KLHL6: variants seen among roughly 807,000 people sequenced by gnomAD.
KLHL6 encodes kelch-like protein 6.
A neutral mutation model predicts 58.6 loss-of-function variants in KLHL6; 41 were observed. That is an observed-to-expected ratio of 0.70 (90% confidence interval 0.55 to 0.91). The LOEUF (loss-of-function observed/expected upper bound fraction) is 0.91, where lower values mean the gene tolerates loss of function less well. Among genes scored for constraint, KLHL6 ranks in the 40% least tolerant of loss-of-function variants. The pLI is 0.00. For missense variants in KLHL6, 714 were observed against 805.6 expected (o/e 0.89, Z 1.38); for synonymous variants, 338 against 322.7 (o/e 1.05, Z -0.51).
At chr3:183,552,575 G>A (rs1463400141) in intron 1 of KLHL6, among the ~76,000 whole-genome samples, 1 of 151,866 alleles carries the variant, frequency 6.6e-6, no homozygotes. Flanking sequence ...AAAATTAGCC[G>A]GGCGTGGTGG....
At chr3:183,501,162 C>T (rs1368036491) in intron 3 of KLHL6, among the ~76,000 whole-genome samples, 9 of 152,110 alleles carry the variant, frequency 5.9e-5, no homozygotes, top group South Asian at 2.1e-4. Context: ...CTGGCCCTGA[C>T]GGTATGGACA....
Position 183,491,998 on chromosome 3 carries a change from G to GGA in KLHL6, c.1794_1795insTC (p.His599SerfsTer58). 6.3e-7 allele frequency: 1 copy of GGA among 1,588,894 alleles called. No homozygotes were observed. The highest frequency in any genetic ancestry group is 2.3e-5 in the East Asian group (1 of 43,816). On this transcript the variant is annotated frameshift_variant, in exon 7 of 7. Transcript: ENST00000341319. LOFTEE classifies it high-confidence loss of function. ...GACTTCCTGATGGTGACGCTGCCGT[G>GGA]GTGCGACACGCCCCGGGGCAGGACG...
At chr3:183,546,101 G>A (rs987927093) in intron 1 of KLHL6, among the ~76,000 whole-genome samples, 1 of 152,202 alleles carries the variant, frequency 6.6e-6, no homozygotes, top group African/African-American at 2.4e-5. Context: ...CACCCATGAT[G>A]GATGATGCCT....
At chr3:183,509,338 A>G (rs1422141655) in intron 2 of KLHL6, among the ~76,000 whole-genome samples, 2 of 152,232 alleles carry the variant, frequency 1.3e-5, no homozygotes, top group African/African-American at 4.8e-5. Context: ...TTTTAGAGCT[A>G]TAAGTGAAAT....
In KLHL6 at chr3:183,492,681, A is replaced by C; in HGVS notation, c.1377T>G (p.Ser459Arg). The part of the protein sequence containing the change: ...SEAAPLLVHV[S>R]SFAATSHKKK... The stretch of plus-strand genomic sequence containing the variant: ...TCTTATGGCTGGTGGCTGCAAAGGA[A>C]CTGACATGGACAAGGAGGGGTGCGG... Residue 459 changes from serine to arginine, a missense_variant, in exon 6 of 7, where the codon AGT becomes AGG. Around this residue, in one of 2 missense-constraint regions of KLHL6, gnomAD observed 510 missense variants for 629.7 expected, o/e 0.81. Coordinates refer to ENST00000341319, the MANE Select transcript of KLHL6 (RefSeq NM_130446.4). This position sits in a 1 kb window ranked among gnomAD's most constrained non-coding sequence, Gnocchi z 5.9. 6.2e-7 allele frequency: 1 copy of C among 1,613,754 alleles called. No individual in the cohort carries two copies. The highest frequency in any genetic ancestry group is 8.5e-7 in the Non-Finnish European group (1 of 1,180,018).
At chr3:183,525,960 C>T (rs2108684255) in intron 2 of KLHL6, among the ~76,000 whole-genome samples, 1 of 152,328 alleles carries the variant, frequency 6.6e-6, no homozygotes, top group Non-Finnish European at 1.5e-5. Context: ...GTCACTGCTT[C>T]CCTTCCGGGG....
intron 1 of KLHL6, among the ~76,000 whole-genome samples, chr3:183,543,156 G>C (rs1441875008): frequency 6.6e-6 from 1 of 152,146 alleles, no homozygotes; most frequent in African/African-American, 2.4e-5. Flanking sequence ...ATCTTGTTGT[G>C]TTGACCTGTA....
At chr3:183,518,772 T>A (rs116137081) in intron 2 of KLHL6, among the ~76,000 whole-genome samples, 1 of 151,894 alleles carries the variant, frequency 6.6e-6, no homozygotes, top group Non-Finnish European at 1.5e-5. Context: ...TCCTAAAGAG[T>A]CTGGGTACAA....
At chr3:183,509,520 T>C (rs1718118712) in intron 2 of KLHL6, among the ~76,000 whole-genome samples, 1 of 152,248 alleles carries the variant, frequency 6.6e-6, no homozygotes, top group South Asian at 2.1e-4. Flanking sequence ...AGGCAAATTC[T>C]GCTGCAGCAG....
At chr3:183,546,281 ATGATACTT>A (rs1311071504) in intron 1 of KLHL6, among the ~76,000 whole-genome samples, 2 of 152,182 alleles carry the variant, frequency 1.3e-5, no homozygotes, top group African/African-American at 4.8e-5. Context: ...TGTAGTTTTC[ATGATACTT>A]TAACATCTAT....
At position 183,555,371 on chromosome 3, in the gene KLHL6, T is replaced by C. The variant is rs1258068827; in HGVS notation, c.283A>G (p.Asn95Asp). ...CHRVVLAAAS[N>D]YFRAMFCNDL... The stretch of plus-strand genomic sequence containing the variant: ...CCTAGGCATGCTGACCTGAAATAGT[T>C]GCTGGCTGCGGCAAGCACCACGCGG... Residue 95 changes from asparagine (N) to aspartate (D), a missense_variant, in exon 1 of 7, where the codon AAC (asparagine) becomes GAC (aspartate). Coordinates refer to ENST00000341319, the MANE Select transcript of KLHL6 (RefSeq NM_130446.4). 6.2e-7 allele frequency: 1 copy of C among 1,613,972 alleles called. No homozygotes were observed. Among genetic ancestry groups the C allele is most frequent in the Non-Finnish European group, 8.5e-7 (1 of 1,179,888 alleles).
At chr3:183,553,277 C>T (rs140324578) in intron 1 of KLHL6, among the ~76,000 whole-genome samples, 88 of 152,232 alleles carry the variant, frequency 5.8e-4, no homozygotes, top group African/African-American at 1.9e-3. Flanking sequence ...CTCTGACGAC[C>T]GGCAGAGACT....
intron 4 of KLHL6, among the ~76,000 whole-genome samples, chr3:183,498,905 C>T (rs927364460): frequency 1.3e-5 from 2 of 152,202 alleles, no homozygotes; most frequent in African/African-American, 2.4e-5. Flanking sequence ...GAAGGGCAGA[C>T]GTGTTTACTC....
intron 2 of KLHL6, 146 bp downstream of exon 2, chr3:183,527,699 C>CGT (rs149350693): frequency 4.7e-4 from 295 of 632,236 alleles, no homozygotes; most frequent in Middle Eastern, 1.4e-3. Flanking sequence ...TAGGGGTGTG[C>CGT]GTGTGTGTGT....
chr3:183,536,446 A>G (rs1712369542), intron 1 of KLHL6, among the ~76,000 whole-genome samples: 1 of 152,154 alleles, frequency 6.6e-6, no homozygotes, highest in Non-Finnish European at 1.5e-5. Flanking sequence ...GACTTCCGGG[A>G]GCCTGGGGAG....
chr3:183,552,827 G>A (rs1347472285), intron 1 of KLHL6, among the ~76,000 whole-genome samples: 2 of 151,682 alleles, frequency 1.3e-5, no homozygotes, highest in African/African-American at 4.8e-5. Flanking sequence ...GACACAAAGC[G>A]AGAGAGTGTG....
chr3:183,499,842 G>A lies in KLHL6; in HGVS notation c.910-15C>T. On this transcript the variant is annotated splice_polypyrimidine_tract_variant and intron_variant, in intron 3 of 6. Coordinates refer to ENST00000341319, the MANE Select transcript of KLHL6 (RefSeq NM_130446.4). The surrounding 1 kb of genome is among the most constrained non-coding windows in gnomAD (Gnocchi z 4.6). ...TCCGAAATGATCTGGAAATCGATGGGGGTACATGAAGGCAGGGACAACACA... is the reference window on the plus strand; with the variant it reads ...TCCGAAATGATCTGGAAATCGATGGAGGTACATGAAGGCAGGGACAACACA... 1.3e-6 allele frequency: 2 copies of A among 1,552,988 alleles called. No individual in the cohort carries two copies. Among genetic ancestry groups the A allele is most frequent in the Non-Finnish European group, 1.7e-6 (2 of 1,144,910 alleles).
intron 1 of KLHL6, among the ~76,000 whole-genome samples, chr3:183,547,878 G>T (rs1250541826): frequency 1.3e-5 from 2 of 152,154 alleles, no homozygotes; most frequent in African/African-American, 4.8e-5. Flanking sequence ...CAGAAATGTG[G>T]CTAACAGGTC....
intron 1 of KLHL6, among the ~76,000 whole-genome samples, chr3:183,539,480 C>G (rs1201495911): frequency 1.3e-5 from 2 of 152,110 alleles, no homozygotes; most frequent in East Asian, 3.9e-4. Flanking sequence ...GATGCCGAGG[C>G]TGGCAGATCT....
Sources: allele counts gnomAD v4.1 joint callset (sites outside exome capture counted in the v4.1 genomes callset), GRCh38; gene constraint gnomAD v4.1.1; regional missense constraint gnomAD v4.1.1; non-coding constraint Gnocchi (gnomAD v3.1); transcripts MANE v1.5; gene names NCBI Gene and HGNC (gene_info 2026-07-23, HGNC 2026-07-21).